The following TTC23 variants were observed in gnomAD, a reference collection of about 807,000 sequenced individuals.
TTC23 encodes the protein tetratricopeptide repeat protein 23.
In TTC23, 58 loss-of-function variants were observed where a neutral mutation model predicts 55.1. The observed-to-expected ratio is 1.05, with a 90% confidence interval of 0.85 to 1.31. The LOEUF (loss-of-function observed/expected upper bound fraction) is 1.31, where lower values mean the gene tolerates loss of function less well. TTC23 is among the 50% of genes most tolerant of loss of function. TTC23 has a pLI of 0.00. For synonymous variants in TTC23, 203 were observed against 199.9 expected (o/e 1.02, Z -0.13); for missense variants, 516 against 534.4 (o/e 0.97, Z 0.34).
intron 10 of TTC23, among the ~76,000 whole-genome samples, chr15:99,167,337 T>C (rs1203152754): frequency 3.3e-5 from 5 of 152,230 alleles, no homozygotes; most frequent in Non-Finnish European, 7.3e-5. Context: ...TCTAGAATCC[T>C]CTGCAATCTG....
chr15:99,231,381 T>C (rs1468040605), intron 4 of TTC23, among the ~76,000 whole-genome samples: 1 of 152,238 alleles, frequency 6.6e-6, no homozygotes, highest in East Asian at 1.9e-4. Context: ...GAAAGCTCCA[T>C]GCATGTTACT....
At position 99,175,032 on chromosome 15, in the gene TTC23, G is replaced by A; in HGVS notation, c.865+18C>T. 6.2e-7 allele frequency: 1 copy of A among 1,611,894 alleles called. No homozygotes were observed. The highest frequency in any genetic ancestry group is 8.5e-7 in the Non-Finnish European group (1 of 1,178,548). The stretch of plus-strand genomic sequence containing the variant: ...CCCAGATGCCTGTGAGACAGGAAGA[G>A]AAAAGGATTCTTCTCACCATGGTGC... On this transcript the variant is annotated intron_variant, in intron 10 of 13. Transcript: ENST00000394132.
intron 6 of TTC23, 36 bp from the exon 7 acceptor site, chr15:99,219,084 T>C (rs771238898): frequency 4.2e-5 from 68 of 1,609,306 alleles, no homozygotes; most frequent in Non-Finnish European, 5.4e-5. Context: ...AGTTTCTCTA[T>C]CATCTCAACT....
Position 99,175,147 on chromosome 15 carries a change from A to G in TTC23, c.768T>C (p.Leu256=), listed in dbSNP as rs2602016. The change falls in exon 10 of 14, where the codon CTT becomes CTC. Residue 256 remains leucine, a synonymous_variant. Transcript: ENST00000394132. ...GAGAGGGGCTTCTACTCAGGATGAT[A>G]AGATGTGCCTGTCACCACAGAAAGA... ...VSINHFLQAH[L]IILSRSPSQV... 0.78 allele frequency: 1,256,003 copies of G among 1,612,816 alleles called. 490,910 individuals carry two copies. Among genetic ancestry groups the G allele is most frequent in the African/African-American group, 0.93 (69,937 of 75,022 alleles).
At chr15:99,225,822 G>T (rs2078355571) in intron 5 of TTC23, among the ~76,000 whole-genome samples, 1 of 152,096 alleles carries the variant, frequency 6.6e-6, no homozygotes, top group South Asian at 2.1e-4. Flanking sequence ...ATTACAAAGG[G>T]AAAAATGGCA....
At chr15:99,219,116 T>C (rs1387195946) in intron 6 of TTC23, 68 bp from the exon 7 acceptor site, 2 of 1,551,614 alleles carry the variant, frequency 1.3e-6, no homozygotes, top group Non-Finnish European at 8.8e-7. Flanking sequence ...CAGTTCCTTA[T>C]GGTCTGGGAA....
chr15:99,159,430 T>C (rs1345605061), intron 11 of TTC23: 2 of 152,238 alleles, frequency 1.3e-5, no homozygotes, highest in Non-Finnish European at 1.5e-5. Context: ...TGACATCAAA[T>C]GGATTCTCTA....
intron 4 of TTC23, among the ~76,000 whole-genome samples, chr15:99,231,367 T>G (rs1237507100): frequency 6.6e-6 from 1 of 152,076 alleles, no homozygotes; most frequent in Non-Finnish European, 1.5e-5. Flanking sequence ...TCATCATAGG[T>G]GATGAAAGCT....
chr15:99,171,559 CTTT>C (rs35676358), intron 10 of TTC23, among the ~76,000 whole-genome samples: 117 of 92,280 alleles, frequency 1.3e-3, no homozygotes, highest in Non-Finnish European at 2.1e-3. Flanking sequence ...GTCTCTCCGT[CTTT>C]TTTTTTTTTT....
chr15:99,182,795 A>G (rs559016168), intron 9 of TTC23, among the ~76,000 whole-genome samples: 1 of 151,364 alleles, frequency 6.6e-6, no homozygotes, highest in East Asian at 1.9e-4. Context: ...AACAAAGAAC[A>G]TGTATCATTT....
intron 10 of TTC23, among the ~76,000 whole-genome samples, chr15:99,165,766 G>A (rs2071990565): frequency 1.3e-5 from 2 of 152,112 alleles, no homozygotes; most frequent in South Asian, 4.2e-4. Context: ...GATTTAATGT[G>A]CAAACTGAGT....
intron 12 of TTC23, among the ~76,000 whole-genome samples, chr15:99,147,543 C>T (rs1307215997): frequency 6.6e-6 from 1 of 152,094 alleles, no homozygotes; most frequent in African/African-American, 2.4e-5. Context: ...CATTCTTAAC[C>T]AAAATAAGAA....
intron 9 of TTC23, among the ~76,000 whole-genome samples, chr15:99,175,445 A>C (rs1402711067): frequency 6.6e-6 from 1 of 152,250 alleles, no homozygotes; most frequent in Admixed American, 6.5e-5. Context: ...CAGCAAAGGA[A>C]GGGGAGTTAC....
intron 11 of TTC23, 61 bp from the exon 12 acceptor site, chr15:99,156,358 G>A (rs924899499): frequency 2.3e-5 from 36 of 1,582,808 alleles, no homozygotes; most frequent in East Asian, 1.6e-4. Context: ...GGATCATTAC[G>A]CAACTTGTAA....
intron 5 of TTC23, among the ~76,000 whole-genome samples, chr15:99,222,217 C>A (rs34930977): frequency 6.6e-6 from 1 of 152,102 alleles, no homozygotes; most frequent in African/African-American, 2.4e-5. Flanking sequence ...CATATGCAGG[C>A]ACAACAGGGG....
At chr15:99,178,875 G>A (rs2073856495) in intron 9 of TTC23, among the ~76,000 whole-genome samples, 1 of 152,180 alleles carries the variant, frequency 6.6e-6, no homozygotes, top group East Asian at 1.9e-4. Context: ...AGGTGCTGGG[G>A]GCATTTGCTA....
chr15:99,216,549 T>C lies in TTC23; in HGVS notation c.581+2039A>G, dbSNP rs201439860. ...TCAATAGGAAAGGTACAGGAAACTCTAAAAGAAAAATAAGAAGGAATACTA... is the reference window on the plus strand; with the variant it reads ...TCAATAGGAAAGGTACAGGAAACTCCAAAAGAAAAATAAGAAGGAATACTA... On this transcript the variant is annotated intron_variant, in intron 8 of 13. Coordinates refer to ENST00000394132, the MANE Select transcript of TTC23 (RefSeq NM_001288615.3). 3.3e-5 allele frequency among the ~76,000 whole-genome samples: 5 copies of C among 152,018 alleles called. No individual in the cohort carries two copies. In the East Asian group the frequency reaches 7.7e-4, roughly 23 times the overall value.
chr15:99,232,020 G>C (rs2152075316), intron 4 of TTC23, among the ~76,000 whole-genome samples: 1 of 148,492 alleles, frequency 6.7e-6, no homozygotes, highest in Non-Finnish European at 1.5e-5. Context: ...TGGAACTCCT[G>C]ATCTCAGGTG....
At position 99,200,612 on chromosome 15, in the gene TTC23, C is replaced by T. The variant is rs927786536; in HGVS notation, c.582-516G>A. On this transcript the variant is annotated intron_variant, in intron 8 of 13. Transcript: ENST00000394132. Reference sequence around the variant, plus strand: ...GAAGGATGTGAAGCACTCTCATCAACTGTTGAGGAGAATATAGTTTGGGCA... The same window carrying T: ...GAAGGATGTGAAGCACTCTCATCAATTGTTGAGGAGAATATAGTTTGGGCA... 2.0e-5 allele frequency among the ~76,000 whole-genome samples: 3 copies of T among 152,266 alleles called. No individual in the cohort carries two copies. The South Asian group carries it at 6.2e-4, about 32-fold the overall frequency.
Sources: allele counts gnomAD v4.1 joint callset (sites outside exome capture counted in the v4.1 genomes callset), GRCh38; gene constraint gnomAD v4.1.1; transcripts MANE v1.5; gene names NCBI Gene and HGNC (gene_info 2026-07-23, HGNC 2026-07-21).